Variants in GABRA2 observed in about 807,000 individuals in gnomAD.
GABRA2 encodes the protein gamma-aminobutyric acid receptor subunit alpha-2.
Under a neutral mutation model 48.7 loss-of-function variants are expected in GABRA2, and 16 were observed. The ratio of observed to expected loss-of-function variants is 0.33; its 90% CI spans 0.22 to 0.50. The LOEUF (loss-of-function observed/expected upper bound fraction) is 0.50. Ranked by LOEUF, GABRA2 falls within the 20% of genes least tolerant of loss-of-function variation. The probability of loss-of-function intolerance (pLI) is 0.98; values close to 1 mark genes in which losing one functional copy is unlikely to be tolerated. For missense variants in GABRA2, 275 were observed against 535.6 expected (o/e 0.51, Z 4.80); for synonymous variants, 185 against 184.5 (o/e 1.00, Z -0.02).
chr4:46,306,001 T>G (rs548942837), intron 6 of GABRA2, among the ~76,000 whole-genome samples: 1 of 152,260 alleles, frequency 6.6e-6, no homozygotes, highest in East Asian at 1.9e-4. Flanking sequence ...CTTAGATGAT[T>G]ATAACATCTC....
chr4:46,288,984 G>A (rs1352494988), intron 8 of GABRA2, among the ~76,000 whole-genome samples: 1 of 151,776 alleles, frequency 6.6e-6, no homozygotes, highest in East Asian at 1.9e-4. Flanking sequence ...TTAGAGAAAT[G>A]AAAATCAAAA....
At chr4:46,291,479 T>G (rs895041687) in intron 8 of GABRA2, among the ~76,000 whole-genome samples, 1 of 152,108 alleles carries the variant, frequency 6.6e-6, no homozygotes. Flanking sequence ...GATTAACATT[T>G]GAGTCAGTGG....
chr4:46,366,901 G>A (rs191294519), intron 3 of GABRA2: 2 of 151,944 alleles, frequency 1.3e-5, no homozygotes, highest in South Asian at 2.1e-4. Context: ...TCTTGTTTTT[G>A]TCTCTATCAT....
chr4:46,353,219 G>A (rs749568609), intron 3 of GABRA2, among the ~76,000 whole-genome samples: 2 of 151,926 alleles, frequency 1.3e-5, no homozygotes, highest in Admixed American at 6.6e-5. Context: ...CCAATCCATC[G>A]GAAATCCTGC....
intron 8 of GABRA2, among the ~76,000 whole-genome samples, chr4:46,287,266 G>T (rs1245724498): frequency 1.4e-5 from 2 of 142,684 alleles, no homozygotes; most frequent in Admixed American, 7.4e-5. Context: ...CAGTTGGCAG[G>T]TAGCGTGATT....
intron 4 of GABRA2, among the ~76,000 whole-genome samples, chr4:46,332,410 G>A (rs939018059): frequency 2.0e-5 from 3 of 152,030 alleles, no homozygotes; most frequent in South Asian, 2.1e-4. Flanking sequence ...TGAAAATGAC[G>A]TAAAATACAT....
At chr4:46,362,169 A>T (rs1351120041) in intron 3 of GABRA2, among the ~76,000 whole-genome samples, 1 of 152,152 alleles carries the variant, frequency 6.6e-6, no homozygotes, top group Non-Finnish European at 1.5e-5. Flanking sequence ...GGGTGGAATG[A>T]CATGGTTTGG....
At chr4:46,327,841 A>G (rs1730651049) in intron 4 of GABRA2, among the ~76,000 whole-genome samples, 1 of 152,064 alleles carries the variant, frequency 6.6e-6, no homozygotes, top group African/African-American at 2.4e-5. Flanking sequence ...TCTGTATCAG[A>G]TATTTCAAGA....
chr4:46,335,142 T>A (rs544610946), intron 3 of GABRA2, among the ~76,000 whole-genome samples: 1 of 151,918 alleles, frequency 6.6e-6, no homozygotes, highest in African/African-American at 2.4e-5. Flanking sequence ...GAAAGGGAAG[T>A]GAACAAAGAA....
At chr4:46,290,551 T>C (rs553067889) in intron 8 of GABRA2, among the ~76,000 whole-genome samples, 8 of 152,174 alleles carry the variant, frequency 5.3e-5, no homozygotes, top group Non-Finnish European at 1.2e-4. Context: ...TATTATTTTC[T>C]TAAATTTCTT....
rs551125952 is a variant in GABRA2 at position 46,274,498 on chromosome 4, G to C, written c.857-12370C>G. Among the ~76,000 whole-genome samples the C allele has an allele frequency of 3.9e-4, 59 of 152,182 alleles. 1 individual carries two copies. The South Asian group carries it at 0.012, about 30-fold the overall frequency. On this transcript the variant is annotated intron_variant, in intron 8 of 9. Coordinates refer to ENST00000381620, the MANE Select transcript of GABRA2 (RefSeq NM_000807.4). ...AAGTGTTTAAATTGCTTGAGAAGTGGCTATACATAGAGAAAAATGGGCCTT... is the reference window on the plus strand; with the variant it reads ...AAGTGTTTAAATTGCTTGAGAAGTGCCTATACATAGAGAAAAATGGGCCTT...
At chr4:46,305,232 G>A (rs1189996048) in intron 7 of GABRA2, among the ~76,000 whole-genome samples, 1 of 123,610 alleles carries the variant, frequency 8.1e-6, no homozygotes, top group Non-Finnish European at 1.6e-5. Context: ...ATGGACACAG[G>A]AAGGGGAACA....
chr4:46,288,060 G>A (rs528614374), intron 8 of GABRA2, among the ~76,000 whole-genome samples: 21 of 152,194 alleles, frequency 1.4e-4, no homozygotes, highest in African/African-American at 4.3e-4. Flanking sequence ...ACTATCATGA[G>A]AACAGAATGA....
intron 3 of GABRA2, among the ~76,000 whole-genome samples, chr4:46,349,961 T>G (rs2109901254): frequency 6.6e-6 from 1 of 152,056 alleles, no homozygotes; most frequent in Non-Finnish European, 1.5e-5. Context: ...TTGTCATATC[T>G]CTTGAATTCC....
intron 8 of GABRA2, among the ~76,000 whole-genome samples, chr4:46,297,879 T>G (rs1577957278): frequency 6.6e-6 from 1 of 152,226 alleles, no homozygotes; most frequent in African/African-American, 2.4e-5. Context: ...TAGCTACAAA[T>G]TTTCCTTTGA....
chr4:46,297,724 T>A (rs1364910642), intron 8 of GABRA2, among the ~76,000 whole-genome samples: 2 of 151,710 alleles, frequency 1.3e-5, no homozygotes, highest in Non-Finnish European at 2.9e-5. Flanking sequence ...TGATGACATT[T>A]TCTTTTATTC....
At chr4:46,271,423 A>C (rs1719311070) in intron 8 of GABRA2, among the ~76,000 whole-genome samples, 3 of 152,034 alleles carry the variant, frequency 2.0e-5, no homozygotes. Context: ...CAGGTGCAAG[A>C]ACCTTTGACA....
chr4:46,315,905 C>A (rs1041034169), intron 4 of GABRA2, among the ~76,000 whole-genome samples: 1 of 150,698 alleles, frequency 6.6e-6, no homozygotes, highest in African/African-American at 2.4e-5. Context: ...TAGTGTACAC[C>A]CTTCCCATAC....
chr4:46,244,829 A>G lies in GABRA2; in HGVS notation c.*5479T>C, dbSNP rs940331259. 1.3e-5 allele frequency among the ~76,000 whole-genome samples: 2 copies of G among 151,454 alleles called. No individual in the cohort carries two copies. The highest frequency in any genetic ancestry group is 4.8e-5 in the African/African-American group (2 of 41,406). The stretch of plus-strand genomic sequence containing the variant: ...CTAAATTGTACCAAAGAAGTTAGTA[A>G]ATAGCTAGCATCACAAAAACGGGTA... On this transcript the variant is annotated 3_prime_UTR_variant, in exon 10 of 10. Transcript: ENST00000381620.
Sources: allele counts gnomAD v4.1 joint callset (sites outside exome capture counted in the v4.1 genomes callset), GRCh38; gene constraint gnomAD v4.1.1; transcripts MANE v1.5; gene names NCBI Gene and HGNC (gene_info 2026-07-23, HGNC 2026-07-21).